Variants in REV3L observed in about 807,000 individuals in gnomAD.
REV3L encodes the protein DNA polymerase zeta catalytic subunit.
Under a neutral mutation model 299.4 loss-of-function variants are expected in REV3L, and 69 were observed. That is an observed-to-expected ratio of 0.23 (90% CI 0.19 to 0.28). The LOEUF (loss-of-function observed/expected upper bound fraction) is 0.28. Ranked by LOEUF, REV3L falls within the 10% of genes least tolerant of loss-of-function variation. The probability of loss-of-function intolerance (pLI) is 1.00; values close to 1 mark genes in which losing one functional copy is unlikely to be tolerated. For synonymous variants in REV3L, 1,238 were observed against 1,271.4 expected (o/e 0.97, Z 0.56); for missense variants, 3,128 against 3,693.8 (o/e 0.85, Z 3.97).
rs143343075 is a variant in REV3L, at chr6:111,375,270, C to A, written c.3085G>T (p.Asp1029Tyr). The change falls in exon 13 of 32, where the codon GAC becomes TAC. Residue 1029 changes from aspartate to tyrosine, a missense_variant. Coordinates refer to ENST00000368802, the MANE Select transcript of REV3L (RefSeq NM_001372078.1). ...ATGGGATATTTGGTTGCAGGGGAGT[C>A]GGGAACTTTTGGCCAAAAGTCCTTC... ...PLKDFWPKVP[D>Y]SPATKYPIYP... 6.2e-7 allele frequency: 1 copy of A among 1,607,900 alleles called. No homozygotes were observed. The highest frequency in any genetic ancestry group is 8.5e-7 in the Non-Finnish European group (1 of 1,178,792).
At chr6:111,458,074 A>T (rs1476061677) in intron 1 of REV3L, among the ~76,000 whole-genome samples, 1 of 152,166 alleles carries the variant, frequency 6.6e-6, no homozygotes, top group East Asian at 1.9e-4. Context: ...CCATCAGCAC[A>T]TCTAAAACCT....
intron 16 of REV3L, among the ~76,000 whole-genome samples, chr6:111,360,182 G>T (rs1225606896): frequency 6.6e-6 from 1 of 152,094 alleles, no homozygotes; most frequent in Non-Finnish European, 1.5e-5. Context: ...ATTTTCAAGG[G>T]AATGAGGCAG....
chr6:111,415,860 T>C (rs1784711718), intron 2 of REV3L, among the ~76,000 whole-genome samples: 1 of 152,206 alleles, frequency 6.6e-6, no homozygotes, highest in South Asian at 2.1e-4. Flanking sequence ...AATTATCATA[T>C]AGCAAATAAA....
intron 1 of REV3L, chr6:111,430,763 G>C (rs1786809757): frequency 7.5e-6 from 12 of 1,596,504 alleles, no homozygotes; most frequent in Non-Finnish European, 9.4e-6. Context: ...TTTAGAGAGA[G>C]CGCAGGAGCA....
At chr6:111,329,263 C>T (rs1198529281) in intron 25 of REV3L, among the ~76,000 whole-genome samples, 13 of 148,588 alleles carry the variant, frequency 8.7e-5, no homozygotes, top group Non-Finnish European at 1.9e-4. Context: ...ACGCTGGTCG[C>T]GACTCCTGAC....
At chr6:111,445,511 T>C (rs956931078) in intron 1 of REV3L, among the ~76,000 whole-genome samples, 1 of 152,236 alleles carries the variant, frequency 6.6e-6, no homozygotes, top group African/African-American at 2.4e-5. Context: ...TTCTGGTTAT[T>C]CTAAATAAAT....
At chr6:111,366,061 G>A (rs1049880627) in intron 14 of REV3L, among the ~76,000 whole-genome samples, 8 of 152,112 alleles carry the variant, frequency 5.3e-5, no homozygotes, top group African/African-American at 1.9e-4. Flanking sequence ...ATGAGGGAAT[G>A]AGGTGAGTGT....
At chr6:111,377,287 G>C (rs567599901) in intron 12 of REV3L, among the ~76,000 whole-genome samples, 11 of 152,216 alleles carry the variant, frequency 7.2e-5, no homozygotes, top group African/African-American at 2.6e-4. Flanking sequence ...TATGATTACA[G>C]TTTCAAAATC....
intron 1 of REV3L, among the ~76,000 whole-genome samples, chr6:111,481,096 T>C (rs1286332958): frequency 1.3e-5 from 2 of 152,230 alleles, no homozygotes; most frequent in South Asian, 2.1e-4. Context: ...ATGACTTGTG[T>C]GGAGGAGAAA....
Position 111,375,453 on chromosome 6 carries a change from AC to A in REV3L, c.2901del (p.Met967IlefsTer10). 1 of 1,601,962 alleles carries A rather than the reference AC, an allele frequency of 6.2e-7. No homozygotes were observed. The highest frequency in any genetic ancestry group is 1.1e-5 in the South Asian group (1 of 88,140). ...ATGATGACAGGGGGCAGCTTTTTAG[AC>A]ATTTTTCTTCGTTTTCGGGATTTGA... ...GTLKSRKRRK[M>X]SKKLPPVIIK... On this transcript the variant is annotated frameshift_variant, in exon 13 of 32. Coordinates refer to ENST00000368802, the MANE Select transcript of REV3L (RefSeq NM_001372078.1). LOFTEE classifies it high-confidence loss of function.
At chr6:111,323,229 C>A (rs1285179193) in intron 25 of REV3L, among the ~76,000 whole-genome samples, 1 of 152,142 alleles carries the variant, frequency 6.6e-6, no homozygotes, top group East Asian at 1.9e-4. Context: ...ATTTCGTGAT[C>A]CACCCACCTC....
chr6:111,369,199 G>A (rs867792390), intron 13 of REV3L, among the ~76,000 whole-genome samples: 3 of 149,604 alleles, frequency 2.0e-5, no homozygotes, highest in East Asian at 2.0e-4. Flanking sequence ...GGAGAATGGC[G>A]TGAACCAGGG....
At chr6:111,430,275 GA>G in intron 1 of REV3L, 1 of 1,029,646 alleles carries the variant, frequency 9.7e-7, no homozygotes, top group Non-Finnish European at 1.5e-6. Flanking sequence ...CAATTGCAGA[GA>G]AAAGATCCAA....
intron 4 of REV3L, 88 bp from the exon 5 acceptor site, chr6:111,393,060 T>TG: frequency 2.5e-6 from 2 of 797,688 alleles, no homozygotes; most frequent in Non-Finnish European, 2.0e-6. Flanking sequence ...TTTTTTGAGA[T>TG]GGAGTCTCGC....
intron 1 of REV3L, among the ~76,000 whole-genome samples, chr6:111,473,615 A>AATATTATT (rs1792530076): frequency 6.6e-6 from 1 of 151,802 alleles, no homozygotes; most frequent in Admixed American, 6.6e-5. Context: ...GAATATTAAT[A>AATATTATT]ATATTATTAT....
intron 31 of REV3L, among the ~76,000 whole-genome samples, chr6:111,303,822 T>C (rs2114688774): frequency 6.7e-6 from 1 of 149,348 alleles, no homozygotes; most frequent in East Asian, 2.0e-4. Flanking sequence ...TGGGTTCAAG[T>C]GATTTTCCTG....
At chr6:111,300,963 G>C (rs1238998887) in intron 31 of REV3L, among the ~76,000 whole-genome samples, 1 of 152,178 alleles carries the variant, frequency 6.6e-6, no homozygotes, top group Non-Finnish European at 1.5e-5. Flanking sequence ...GCAGGGCCTG[G>C]CAGAACAGAG....
intron 1 of REV3L, among the ~76,000 whole-genome samples, chr6:111,440,940 T>C (rs778933261): frequency 1.3e-5 from 2 of 152,214 alleles, no homozygotes; most frequent in African/African-American, 2.4e-5. Flanking sequence ...GCTTGCATTG[T>C]TTGTGAACAG....
intron 9 of REV3L, among the ~76,000 whole-genome samples, chr6:111,382,720 T>C (rs986689921): frequency 1.3e-5 from 2 of 152,158 alleles, no homozygotes; most frequent in Admixed American, 6.5e-5. Flanking sequence ...TCAGAGCCAG[T>C]AGACTTGGGG....
Sources: gnomAD v4.1 joint callset for allele counts (sites outside exome capture counted in the v4.1 genomes callset) on GRCh38, gnomAD v4.1.1 for gene constraint, MANE v1.5 for transcripts, NCBI Gene and HGNC (gene_info 2026-07-23, HGNC 2026-07-21) for gene names.